Variants in NRXN3 observed in about 807,000 individuals in gnomAD.
NRXN3 encodes neurexin III.
Under a neutral mutation model 137.6 loss-of-function variants are expected in NRXN3, and 32 were observed. The observed-to-expected ratio is 0.23, with a 90% CI of 0.18 to 0.31. The LOEUF (loss-of-function observed/expected upper bound fraction) is 0.31. Among genes scored for constraint, NRXN3 ranks in the 10% least tolerant of loss-of-function variants. NRXN3 has a pLI of 1.00. For missense variants in NRXN3, 1,574 were observed against 2,062.5 expected (o/e 0.76, Z 4.59); for synonymous variants, 798 against 784.5 (o/e 1.02, Z -0.29).
chr14:78,364,059 C>T (rs1454384047), intron 4 of NRXN3, among the ~76,000 whole-genome samples: 1 of 152,226 alleles, frequency 6.6e-6, no homozygotes, highest in Non-Finnish European at 1.5e-5. Context: ...ACTTGTAGCC[C>T]TGGGGCCTTG....
chr14:79,176,072 A>C (rs969575304), intron 15 of NRXN3, among the ~76,000 whole-genome samples: 1 of 152,234 alleles, frequency 6.6e-6, no homozygotes, highest in Non-Finnish European at 1.5e-5. Context: ...TTTCCATCAC[A>C]GCAATTACAT....
At chr14:79,132,209 A>T (rs996747519) in intron 15 of NRXN3, among the ~76,000 whole-genome samples, 1 of 152,162 alleles carries the variant, frequency 6.6e-6, no homozygotes, top group African/African-American at 2.4e-5. Context: ...CTCCAACTTA[A>T]ACTTAACTTT....
chr14:78,896,966 T>G (rs933433559), intron 10 of NRXN3, among the ~76,000 whole-genome samples: 27 of 151,888 alleles, frequency 1.8e-4, no homozygotes, highest in African/African-American at 5.1e-4. Flanking sequence ...CAAACTATGA[T>G]TTGTGGACCA....
intron 19 of NRXN3, among the ~76,000 whole-genome samples, chr14:79,799,138 G>C (rs1175282719): frequency 6.6e-6 from 1 of 152,154 alleles, no homozygotes; most frequent in Non-Finnish European, 1.5e-5. Context: ...GCTCCTGCCA[G>C]ACAGATATTT....
chr14:78,240,359 C>T (rs1474611205), intron 1 of NRXN3, among the ~76,000 whole-genome samples: 1 of 152,212 alleles, frequency 6.6e-6, no homozygotes, highest in Non-Finnish European at 1.5e-5. Context: ...CCAGGAGATT[C>T]ATTCCTTCTC....
At chr14:78,408,208 C>A (rs537626313) in intron 4 of NRXN3, among the ~76,000 whole-genome samples, 2 of 152,310 alleles carry the variant, frequency 1.3e-5, no homozygotes, top group South Asian at 4.2e-4. Context: ...ACACCCTCCC[C>A]TGCTTCTCTA....
chr14:79,375,243 T>C (rs1002864424), intron 15 of NRXN3, among the ~76,000 whole-genome samples: 3 of 151,048 alleles, frequency 2.0e-5, no homozygotes, highest in African/African-American at 4.9e-5. Context: ...GTGTTTTTTT[T>C]TTTTTTTTCC....
rs1566892853 is a variant in NRXN3, at chr14:79,355,254, CCA to C, written c.3263-111965_3263-111964del. Among the ~76,000 whole-genome samples, 11 of 149,494 alleles carry C rather than the reference CCA, an allele frequency of 7.4e-5. 1 individual carries two copies. Among genetic ancestry groups the C allele is most frequent in the African/African-American group, 2.8e-4 (11 of 39,218 alleles). ...TCCTATTCCTGGGCTTTTCTGTCCC[CCA>C]CCCCCTTCCTTCCCTCCTTCCTCTG... On this transcript the variant is annotated intron_variant, in intron 15 of 20. Transcript: ENST00000335750.
chr14:79,083,124 C>T (rs559816419), intron 15 of NRXN3, among the ~76,000 whole-genome samples: 1 of 152,312 alleles, frequency 6.6e-6, no homozygotes, highest in African/African-American at 2.4e-5. Flanking sequence ...ATCAGTGGTA[C>T]TGTGTGAGAT....
chr14:78,678,849 C>T (rs1465183716), intron 6 of NRXN3, among the ~76,000 whole-genome samples: 3 of 152,124 alleles, frequency 2.0e-5, no homozygotes, highest in Non-Finnish European at 2.9e-5. Flanking sequence ...AGTGGCCTTC[C>T]CTGCAGGTGT....
intron 15 of NRXN3, among the ~76,000 whole-genome samples, chr14:79,199,523 C>G (rs1470582593): frequency 6.6e-6 from 1 of 152,192 alleles, no homozygotes; most frequent in Non-Finnish European, 1.5e-5. Flanking sequence ...AGAGTTCACA[C>G]TTTCAAATTG....
intron 20 of NRXN3, among the ~76,000 whole-genome samples, chr14:79,827,894 C>T (rs1224881712): frequency 6.6e-6 from 1 of 152,056 alleles, no homozygotes; most frequent in African/African-American, 2.4e-5. Flanking sequence ...CGAGGTTTCA[C>T]CATGTTGGAC....
intron 3 of NRXN3, among the ~76,000 whole-genome samples, chr14:78,295,055 A>G (rs1036712348): frequency 6.6e-6 from 1 of 152,200 alleles, no homozygotes; most frequent in South Asian, 2.1e-4. Context: ...GCAGAATTTC[A>G]AAATAGACCT....
chr14:79,356,677 G>A (rs539576903), intron 15 of NRXN3, among the ~76,000 whole-genome samples: 5 of 152,048 alleles, frequency 3.3e-5, no homozygotes, highest in East Asian at 1.9e-4. Flanking sequence ...TTCACCTCCC[G>A]CCCCACTGCC....
At chr14:78,911,956 C>G (rs1199233630) in intron 10 of NRXN3, among the ~76,000 whole-genome samples, 1 of 151,558 alleles carries the variant, frequency 6.6e-6, no homozygotes, top group African/African-American at 2.4e-5. Flanking sequence ...TTTTAGGGTA[C>G]ATGTGCACAA....
intron 15 of NRXN3, among the ~76,000 whole-genome samples, chr14:79,246,412 G>T (rs933069337): frequency 1.3e-5 from 2 of 152,136 alleles, no homozygotes; most frequent in South Asian, 2.1e-4. Context: ...ACAAATTGTG[G>T]TGGCATTGAC....
intron 6 of NRXN3, among the ~76,000 whole-genome samples, chr14:78,696,457 T>C (rs1303661234): frequency 6.6e-6 from 1 of 152,042 alleles, no homozygotes; most frequent in Non-Finnish European, 1.5e-5. Context: ...ACTATTGTTA[T>C]CCTACTTCAA....
intron 16 of NRXN3, among the ~76,000 whole-genome samples, chr14:79,506,124 G>A (rs1392418143): frequency 1.3e-5 from 2 of 152,164 alleles, no homozygotes; most frequent in African/African-American, 4.8e-5. Flanking sequence ...CTTATATAAT[G>A]TAAGATAACT....
At chr14:78,786,576 G>A (rs4903800) in intron 8 of NRXN3, among the ~76,000 whole-genome samples, 2 of 152,026 alleles carry the variant, frequency 1.3e-5, no homozygotes, top group Admixed American at 1.3e-4. Flanking sequence ...TCCTGTATGA[G>A]TTGTATGTAA....
Sources: allele counts gnomAD v4.1 joint callset (sites outside exome capture counted in the v4.1 genomes callset), GRCh38; gene constraint gnomAD v4.1.1; transcripts MANE v1.5; gene names NCBI Gene and HGNC (gene_info 2026-07-23, HGNC 2026-07-21).